Variants in PDLIM3 observed in about 807,000 individuals in gnomAD.
The protein encoded by PDLIM3 is PDZ and LIM domain 3.
In PDLIM3, 36 loss-of-function variants were observed where a neutral mutation model predicts 37.3. That is an observed-to-expected ratio of 0.97 (90% CI 0.74 to 1.28). The LOEUF (loss-of-function observed/expected upper bound fraction) is 1.28. PDLIM3 is among the 50% of genes most tolerant of loss of function. The pLI is 0.00. For synonymous variants in PDLIM3, 174 were observed against 182.4 expected, an observed-to-expected ratio of 0.95 and a Z score of 0.37; for missense variants, 454 against 485.0, an observed-to-expected ratio of 0.94 and a Z score of 0.60.
intron 2 of PDLIM3, among the ~76,000 whole-genome samples, chr4:185,524,652 CTCCAT>C (rs879898369): frequency 1.1e-4 from 17 of 152,236 alleles, no homozygotes; most frequent in African/African-American, 2.9e-4. Context: ...AGGGGAATCT[CTCCAT>C]TCCATTCCAT....
chr4:185,506,566 G>T lies in PDLIM3; in HGVS notation c.749C>A (p.Ser250Ter). The part of the protein sequence containing the change: ...NRNEPTQPRQ[S>*]GSFRVLQGMV... ...TCCCTGGAGCACTCTGAAGGAGCCC[G>T]ACTGGCGAGGCTGTGTGGGCTCATT... The change falls in exon 6 of 8, where the codon TCG becomes TAG. Residue 250 changes from serine (S) to a stop codon, truncating the protein, a stop_gained. Coordinates refer to ENST00000284767, the MANE Select transcript of PDLIM3 (RefSeq NM_014476.6). LOFTEE classifies it high-confidence loss of function. 6.2e-7 allele frequency: 1 copy of T among 1,613,394 alleles called. No homozygotes were observed. Among genetic ancestry groups the T allele is most frequent in the Non-Finnish European group, 8.5e-7 (1 of 1,180,004 alleles).
At chr4:185,525,837 A>G (rs1365979169) in intron 1 of PDLIM3, among the ~76,000 whole-genome samples, 1 of 152,200 alleles carries the variant, frequency 6.6e-6, no homozygotes, top group Non-Finnish European at 1.5e-5. Flanking sequence ...GCAACCCAGA[A>G]GAGTTTCCTC....
In PDLIM3 at chr4:185,501,830, A is replaced by G. The variant is rs78718131; in HGVS notation, c.*464T>C. 6.5e-4 allele frequency: 109 copies of G among 168,246 alleles called. 2 individuals are homozygous for G. The East Asian group carries it at 0.016, about 25-fold the overall frequency. 10.4% of individuals were successfully genotyped at this position (168,246 alleles called of 1,614,324 possible). A position where few individuals can be genotyped will look rare whatever the true frequency, so the allele number is the denominator to read the frequency against. ...TTTGAATACAAAACTAAAGAAATTC[A>G]GGGAATTTCTCCCTAACATGCACTG... On this transcript the variant is annotated 3_prime_UTR_variant, in exon 8 of 8. Coordinates refer to ENST00000284767, the MANE Select transcript of PDLIM3 (RefSeq NM_014476.6).
intron 1 of PDLIM3, among the ~76,000 whole-genome samples, chr4:185,534,551 A>G (rs961994730): frequency 1.3e-5 from 2 of 152,196 alleles, no homozygotes; most frequent in African/African-American, 4.8e-5. Context: ...CTGAGGTTTT[A>G]TTTTTACCTT....
In PDLIM3 at chr4:185,500,978, C is replaced by A. The variant is rs1373030648; in HGVS notation, c.*1316G>T. Reference sequence around the variant, plus strand: ...GAGACAGAGGGTCTGAGGGTCCCCACCCTGCTGGTTCCCCATGGTTTGAAC... The same window carrying A: ...GAGACAGAGGGTCTGAGGGTCCCCAACCTGCTGGTTCCCCATGGTTTGAAC... On this transcript the variant is annotated 3_prime_UTR_variant, in exon 8 of 8. Coordinates refer to ENST00000284767, the MANE Select transcript of PDLIM3 (RefSeq NM_014476.6). 6.6e-6 allele frequency: 1 copy of A among 152,318 alleles called. No individual in the cohort carries two copies. Among genetic ancestry groups the A allele is most frequent in the East Asian group, 1.9e-4 (1 of 5,182 alleles). 9.4% of individuals were successfully genotyped at this position (152,318 alleles called of 1,614,324 possible). A position where few individuals can be genotyped will look rare whatever the true frequency, so the allele number is the denominator to read the frequency against.
chr4:185,514,277 G>A lies in PDLIM3; in HGVS notation c.391C>T (p.Arg131Ter). The change falls in exon 4 of 8, where the codon CGA (arginine) becomes TGA (stop). Residue 131 changes from arginine (R) to a stop codon, truncating the protein, a stop_gained. Coordinates refer to ENST00000284767, the MANE Select transcript of PDLIM3 (RefSeq NM_014476.6). LOFTEE classifies it high-confidence loss of function. This position sits in a 1 kb window ranked among gnomAD's most constrained non-coding sequence, Gnocchi z 4.0. Reference sequence around the variant, plus strand: ...AGTCTCAGCGCTTATGACCTGCTTCGGCCCGGGATCACGAAAGGTTTGGGC... The same window carrying A: ...AGTCTCAGCGCTTATGACCTGCTTCAGCCCGGGATCACGAAAGGTTTGGGC... ...IRPKPFVIPG[R>*]SSGCSTPSGI... The A allele has an allele frequency of 6.2e-7, 1 of 1,614,130 alleles. No individual in the cohort carries two copies. Among genetic ancestry groups the A allele is most frequent in the Non-Finnish European group, 8.5e-7 (1 of 1,180,012 alleles).
intron 4 of PDLIM3, among the ~76,000 whole-genome samples, chr4:185,509,667 A>C (rs754619310): frequency 5.9e-5 from 9 of 152,224 alleles, no homozygotes; most frequent in Non-Finnish European, 1.3e-4. Context: ...AATATTTATC[A>C]TACTTTCCAG....
In PDLIM3 at chr4:185,508,446, G is replaced by A. The variant is rs1561192318; in HGVS notation, c.515C>T (p.Pro172Leu). 1 of 1,614,192 alleles carries A rather than the reference G, an allele frequency of 6.2e-7. No homozygotes were observed. Reference sequence around the variant, plus strand: ...AAGTTCCATTTCCAAAGGAATGTTAGGGGCCAGCTTAGCCGCAACTTTCAA... The same window carrying A: ...AAGTTCCATTTCCAAAGGAATGTTAAGGGCCAGCTTAGCCGCAACTTTCAA... The part of the protein sequence containing the change: ...GDLKVAAKLA[P>L]NIPLEMELPG... Residue 172 changes from proline (P) to leucine (L), a missense_variant, in exon 5 of 8, where the codon CCT (proline) becomes CTT (leucine). Transcript: ENST00000284767.
In PDLIM3 at chr4:185,532,815, C is replaced by T. The variant is rs140076693; in HGVS notation, c.93+2527G>A. On this transcript the variant is annotated intron_variant, in intron 1 of 7. Transcript: ENST00000284767. ...GTAAGAATATGCTGTGTGAATTGGA[C>T]GGGGGAGCCAAATGTCTAGGCGTGG... Among the ~76,000 whole-genome samples, 130 of 152,112 alleles carry T rather than the reference C, an allele frequency of 8.5e-4. 2 individuals are homozygous for T. In the East Asian group the frequency reaches 0.024, roughly 28 times the overall value.
rs1278664616 is a variant in PDLIM3 at position 185,515,439 on chromosome 4, CA to C, written c.331-1103del. ...ACTCGTTTTTGAAAACACCTTTTAA[CA>C]AAAAGTTCTTAACTTGGATTAAGCT... On this transcript the variant is annotated intron_variant, in intron 3 of 7. Coordinates refer to ENST00000284767, the MANE Select transcript of PDLIM3 (RefSeq NM_014476.6). 2.0e-5 allele frequency: 3 copies of C among 152,280 alleles called. No individual in the cohort carries two copies. In the East Asian group the frequency reaches 5.8e-4, roughly 29 times the overall value. 9.4% of individuals were successfully genotyped at this position (152,280 alleles called of 1,614,324 possible).
At chr4:185,506,468 C>T (rs2095697434) in intron 6 of PDLIM3, 54 bp downstream of exon 6, 10 of 1,608,602 alleles carry the variant, frequency 6.2e-6, no homozygotes, top group South Asian at 2.2e-5. Context: ...CCCCGTCCCG[C>T]CCCCTGCAGT....
intron 1 of PDLIM3, among the ~76,000 whole-genome samples, chr4:185,532,124 A>G (rs1321699798): frequency 1.3e-5 from 2 of 152,126 alleles, no homozygotes; most frequent in African/African-American, 4.8e-5. Context: ...AACATGACAA[A>G]TCAACTCACA....
chr4:185,525,638 C>G (rs1028048960), intron 1 of PDLIM3, among the ~76,000 whole-genome samples: 12 of 152,084 alleles, frequency 7.9e-5, no homozygotes, highest in African/African-American at 1.7e-4. Context: ...TTATCTCCCC[C>G]CAAAACTCAA....
intron 2 of PDLIM3, among the ~76,000 whole-genome samples, 176 bp downstream of exon 2, chr4:185,524,844 T>A (rs1197038420): frequency 1.3e-5 from 2 of 152,232 alleles, no homozygotes; most frequent in African/African-American, 4.8e-5. Flanking sequence ...AAATGATTTG[T>A]CAACAACTGC....
intron 1 of PDLIM3, among the ~76,000 whole-genome samples, chr4:185,529,577 G>C (rs933067650): frequency 6.6e-6 from 1 of 152,152 alleles, no homozygotes; most frequent in Non-Finnish European, 1.5e-5. Context: ...CCACAGCCCT[G>C]CAGCACCTGC....
intron 2 of PDLIM3, among the ~76,000 whole-genome samples, 184 bp downstream of exon 2, chr4:185,524,836 A>T (rs923352204): frequency 6.6e-5 from 10 of 152,348 alleles, no homozygotes; most frequent in South Asian, 2.1e-4. Context: ...CTTTTTAGAA[A>T]TGATTTGTCA....
rs546293409 is a variant in PDLIM3, at chr4:185,505,484, G to A, written c.794-898C>T. ...AAAAATACAAAAATTAGCCGGGCGC[G>A]GTGGTGGGTGCCTGTAATCCCATCT... On this transcript the variant is annotated intron_variant, in intron 6 of 7. Coordinates refer to ENST00000284767, the MANE Select transcript of PDLIM3 (RefSeq NM_014476.6). Among the ~76,000 whole-genome samples, 12 of 152,238 alleles carry A rather than the reference G, an allele frequency of 7.9e-5. No homozygotes were observed. In the East Asian group the frequency reaches 9.7e-4, roughly 12 times the overall value.
chr4:185,516,577 C>A (rs2095715369), intron 3 of PDLIM3: 1 of 152,232 alleles, frequency 6.6e-6, no homozygotes, highest in African/African-American at 2.4e-5. Flanking sequence ...ATATGAACAA[C>A]TTCCTGTAGG....
In PDLIM3 at chr4:185,504,444, C is replaced by A. The variant is rs756476192; in HGVS notation, c.905+31G>T. ...GAAATGAACTGTCGCCAAGCTGTAT[C>A]GTAAATTCCAGGGTTAAAAGTGAAA... On this transcript the variant is annotated intron_variant, in intron 7 of 7. Transcript: ENST00000284767. The surrounding 1 kb of genome is among the most constrained non-coding windows in gnomAD (Gnocchi z 4.7). 1 of 1,532,500 alleles carries A rather than the reference C, an allele frequency of 6.5e-7. No individual in the cohort carries two copies. The highest frequency in any genetic ancestry group is 9.0e-7 in the Non-Finnish European group (1 of 1,106,224). The allele number at this position is 1,532,500 out of a possible 1,614,324, so 94.9% of individuals were successfully genotyped here.
Sources: allele counts gnomAD v4.1 joint callset (sites outside exome capture counted in the v4.1 genomes callset), GRCh38; gene constraint gnomAD v4.1.1; non-coding constraint Gnocchi (gnomAD v3.1); transcripts MANE v1.5; gene names NCBI Gene and HGNC (gene_info 2026-07-23, HGNC 2026-07-21).